Variants in ENOX1 observed in about 807,000 individuals in gnomAD.
The protein encoded by ENOX1 is candidate growth-related and time keeping constitutive hydroquinone (NADH) oxidase.
ENOX1 carries 42 observed loss-of-function variants against 82.5 expected under a neutral mutation model. The ratio of observed to expected loss-of-function variants is 0.51; its 90% CI spans 0.40 to 0.66. ENOX1 has a LOEUF of 0.66. Among genes scored for constraint, ENOX1 ranks in the 30% least tolerant of loss-of-function variants. The probability of loss-of-function intolerance (pLI) is 0.00; values close to 1 mark genes in which losing one functional copy is unlikely to be tolerated. For missense variants in ENOX1, 608 were observed against 811.6 expected (o/e 0.75, Z 3.05); for synonymous variants, 271 against 282.2 (o/e 0.96, Z 0.40).
chr13:43,652,882 G>A (rs1398709364), intron 2 of ENOX1, among the ~76,000 whole-genome samples: 1 of 152,184 alleles, frequency 6.6e-6, no homozygotes, highest in East Asian at 1.9e-4. Context: ...CCAAGGGAGA[G>A]AAAATTCAAA....
intron 2 of ENOX1, among the ~76,000 whole-genome samples, chr13:43,579,245 A>G (rs1245029850): frequency 6.6e-6 from 1 of 152,220 alleles, no homozygotes; most frequent in Non-Finnish European, 1.5e-5. Flanking sequence ...GGGATTTTCT[A>G]TCCTCTCAAA....
At chr13:43,701,213 G>A (rs1052185358) in intron 1 of ENOX1, among the ~76,000 whole-genome samples, 1 of 152,114 alleles carries the variant, frequency 6.6e-6, no homozygotes, top group African/African-American at 2.4e-5. Flanking sequence ...CCTCAATAAA[G>A]AGATGTACTT....
At chr13:43,312,799 G>C (rs565223250) in intron 11 of ENOX1, among the ~76,000 whole-genome samples, 35 of 152,252 alleles carry the variant, frequency 2.3e-4, no homozygotes, top group African/African-American at 8.4e-4. Context: ...GGCTTAAAAA[G>C]AGTTTGCTGG....
At chr13:43,265,363 G>T (rs770557046) in intron 14 of ENOX1, 35 bp downstream of exon 14, 1 of 1,590,026 alleles carries the variant, frequency 6.3e-7, no homozygotes, top group Non-Finnish European at 8.6e-7. Context: ...CCAACGTCAA[G>T]CAAGAAGAAC....
At chr13:43,609,267 G>C (rs2082100086) in intron 2 of ENOX1, among the ~76,000 whole-genome samples, 1 of 151,778 alleles carries the variant, frequency 6.6e-6, no homozygotes, top group African/African-American at 2.4e-5. Flanking sequence ...TTTTACCCCT[G>C]CATAAGATAC....
intron 15 of ENOX1, among the ~76,000 whole-genome samples, chr13:43,226,064 C>T (rs1034563044): frequency 6.6e-6 from 1 of 152,042 alleles, no homozygotes; most frequent in Admixed American, 6.6e-5. Context: ...TGTGTTGTCC[C>T]CTCCCCTTAT....
rs1377216896 is a variant in ENOX1, at chr13:43,643,643, A to ATG, written c.-219+23835_-219+23836insCA. Among the ~76,000 whole-genome samples, 5 of 151,174 alleles carry ATG rather than the reference A, an allele frequency of 3.3e-5. No homozygotes were observed. In the Admixed American group the frequency reaches 3.3e-4, roughly 10 times the overall value. On this transcript the variant is annotated intron_variant, in intron 2 of 16. Transcript: ENST00000690772. ...TATGTATGTGTGTGTGTATATATAT[A>ATG]TATATACACACACATATATATATAC...
At chr13:43,664,399 T>C (rs2084876465) in intron 2 of ENOX1, among the ~76,000 whole-genome samples, 1 of 152,182 alleles carries the variant, frequency 6.6e-6, no homozygotes, top group Non-Finnish European at 1.5e-5. Flanking sequence ...AATAGAGAAG[T>C]GTTAGATACA....
intron 11 of ENOX1, among the ~76,000 whole-genome samples, chr13:43,310,288 A>G (rs1315496875): frequency 3.3e-5 from 5 of 151,388 alleles, no homozygotes. Context: ...CTTTTTAAAC[A>G]GCTCTACCTT....
At chr13:43,783,399 T>A (rs1411524843) in intron 1 of ENOX1, among the ~76,000 whole-genome samples, 1 of 152,164 alleles carries the variant, frequency 6.6e-6, no homozygotes, top group Non-Finnish European at 1.5e-5. Flanking sequence ...GTTGCAAATG[T>A]TATGTAAATA....
chr13:43,761,569 C>G (rs1365021492), intron 1 of ENOX1, among the ~76,000 whole-genome samples: 1 of 152,246 alleles, frequency 6.6e-6, no homozygotes, highest in African/African-American at 2.4e-5. Context: ...TGTCTGCTCA[C>G]TTTTCAGCAT....
At chr13:43,770,314 G>C (rs1951514027) in intron 1 of ENOX1, among the ~76,000 whole-genome samples, 2 of 152,220 alleles carry the variant, frequency 1.3e-5, no homozygotes. Context: ...TAAAAGAAGA[G>C]AAGCTCTTTT....
chr13:43,351,326 A>G (rs2049771342), intron 8 of ENOX1, among the ~76,000 whole-genome samples: 1 of 152,246 alleles, frequency 6.6e-6, no homozygotes, highest in Non-Finnish European at 1.5e-5. Context: ...TGTAAAAATG[A>G]GAAAATTAAG....
At chr13:43,564,484 G>GGATTT (rs1566536876) in intron 2 of ENOX1, among the ~76,000 whole-genome samples, 14 of 152,012 alleles carry the variant, frequency 9.2e-5, no homozygotes, top group Non-Finnish European at 1.5e-5. Context: ...AATTTGAGGA[G>GGATTT]GAGGCCTAAA....
At chr13:43,759,258 G>A (rs576388268) in intron 1 of ENOX1, among the ~76,000 whole-genome samples, 4 of 151,886 alleles carry the variant, frequency 2.6e-5, no homozygotes, top group East Asian at 1.9e-4. Context: ...CACCACGCCC[G>A]GCTAATTTTT....
intron 2 of ENOX1, chr13:43,546,140 T>C (rs1276572050): frequency 6.6e-6 from 1 of 152,296 alleles, no homozygotes; most frequent in African/African-American, 2.4e-5. Context: ...ACAGGTGTTC[T>C]AGTAGGAAGA....
At chr13:43,248,720 T>C (rs1159745828) in intron 14 of ENOX1, among the ~76,000 whole-genome samples, 1 of 152,082 alleles carries the variant, frequency 6.6e-6, no homozygotes, top group African/African-American at 2.4e-5. Context: ...GTATTCACTG[T>C]AGAAAATATA....
At chr13:43,778,688 T>C (rs1952067388) in intron 1 of ENOX1, among the ~76,000 whole-genome samples, 1 of 152,240 alleles carries the variant, frequency 6.6e-6, no homozygotes, top group Non-Finnish European at 1.5e-5. Flanking sequence ...GATCTGATAG[T>C]GAATTATTCA....
intron 12 of ENOX1, among the ~76,000 whole-genome samples, chr13:43,274,745 A>G (rs536653316): frequency 3.9e-5 from 6 of 152,236 alleles, no homozygotes; most frequent in Admixed American, 6.5e-5. Flanking sequence ...TATGCCAATC[A>G]AGTGGAAACA....
Sources: allele counts gnomAD v4.1 joint callset (sites outside exome capture counted in the v4.1 genomes callset), GRCh38; gene constraint gnomAD v4.1.1; transcripts MANE v1.5; gene names NCBI Gene and HGNC (gene_info 2026-07-23, HGNC 2026-07-21).